Variants in PRKG1 observed in about 807,000 individuals in gnomAD.
PRKG1 encodes the protein protein kinase cGMP-dependent 1.
Under a neutral mutation model 88.1 loss-of-function variants are expected in PRKG1, and 35 were observed. The ratio of observed to expected loss-of-function variants is 0.40; its 90% confidence interval spans 0.30 to 0.53. The LOEUF (loss-of-function observed/expected upper bound fraction) is 0.53. Ranked by LOEUF, PRKG1 falls within the 20% of genes least tolerant of loss-of-function variation. PRKG1 has a pLI of 0.59. For missense variants in PRKG1, 540 were observed against 839.8 expected (o/e 0.64, Z 4.41); for synonymous variants, 303 against 292.5 (o/e 1.04, Z -0.37).
intron 2 of PRKG1, among the ~76,000 whole-genome samples, chr10:51,452,648 A>T (rs1027464145): frequency 1.3e-5 from 2 of 151,938 alleles, no homozygotes; most frequent in Non-Finnish European, 2.9e-5. Flanking sequence ...AACCCACTTG[A>T]TCATGGTGGA....
rs549495322 is a variant in PRKG1, at chr10:52,213,171, TA to T, written c.1077-38391del. ...CTGGCCTTAAAACTTAAAAGTATAA[TA>T]AAAAAAATAAAAATAAAAATAAAAC... On this transcript the variant is annotated intron_variant, in intron 9 of 17. Coordinates refer to ENST00000373980, the MANE Select transcript of PRKG1 (RefSeq NM_006258.4). 3.6e-4 allele frequency among the ~76,000 whole-genome samples: 54 copies of T among 150,072 alleles called. No homozygotes were observed. In the South Asian group the frequency reaches 5.0e-3, roughly 14 times the overall value.
chr10:51,698,183 C>T, intron 3 of PRKG1: 1 of 1,614,160 alleles, frequency 6.2e-7, no homozygotes, highest in Non-Finnish European at 8.5e-7. Flanking sequence ...CTCCAATCCT[C>T]TTGCATCCAT....
At chr10:51,010,053 A>AAGG (rs1436729066) in intron 1 of PRKG1, among the ~76,000 whole-genome samples, 3 of 152,224 alleles carry the variant, frequency 2.0e-5, no homozygotes, top group Admixed American at 1.3e-4. Context: ...TCAGCAGTGG[A>AAGG]AGGAGGGGTC....
intron 7 of PRKG1, among the ~76,000 whole-genome samples, chr10:52,126,250 G>A (rs1847928282): frequency 6.6e-6 from 1 of 151,906 alleles, no homozygotes; most frequent in African/African-American, 2.4e-5. Flanking sequence ...AGACTGCAAG[G>A]TCAGGCATAC....
At chr10:51,952,211 C>T (rs1253782621) in intron 5 of PRKG1, among the ~76,000 whole-genome samples, 1 of 152,196 alleles carries the variant, frequency 6.6e-6, no homozygotes, top group African/African-American at 2.4e-5. Context: ...GATGTTTGTC[C>T]AAATGTTGTT....
At chr10:52,107,485 G>C (rs1847454304) in intron 7 of PRKG1, among the ~76,000 whole-genome samples, 1 of 152,126 alleles carries the variant, frequency 6.6e-6, no homozygotes, top group Non-Finnish European at 1.5e-5. Context: ...AGCAGTGAGA[G>C]TCATTTGGGA....
At chr10:52,082,282 G>A (rs1459219935) in intron 7 of PRKG1, among the ~76,000 whole-genome samples, 5 of 152,098 alleles carry the variant, frequency 3.3e-5, no homozygotes, top group Non-Finnish European at 5.9e-5. Context: ...TTCAGGATGA[G>A]ATTTGGGTGG....
At chr10:51,862,306 C>T (rs1396917263) in intron 4 of PRKG1, among the ~76,000 whole-genome samples, 1 of 152,146 alleles carries the variant, frequency 6.6e-6, no homozygotes, top group Non-Finnish European at 1.5e-5. Flanking sequence ...TGCCCAGCAG[C>T]TTTTTCTCCC....
intron 3 of PRKG1, among the ~76,000 whole-genome samples, chr10:51,615,927 C>A (rs139009414): frequency 5.9e-5 from 9 of 152,222 alleles, no homozygotes; most frequent in African/African-American, 2.2e-4. Context: ...ATCTGCACAT[C>A]TGATGTAATA....
At chr10:51,699,340 C>T in intron 3 of PRKG1, 1 of 1,614,162 alleles carries the variant, frequency 6.2e-7, no homozygotes, top group Non-Finnish European at 8.5e-7. Context: ...TGGCACTAAG[C>T]GCGGTCTCCT....
chr10:51,279,800 A>G (rs545655750), intron 2 of PRKG1, among the ~76,000 whole-genome samples: 7 of 152,194 alleles, frequency 4.6e-5, no homozygotes, highest in Non-Finnish European at 1.0e-4. Context: ...TGAATACAGC[A>G]CACTGATGGG....
intron 2 of PRKG1, among the ~76,000 whole-genome samples, chr10:51,219,696 C>T (rs187019524): frequency 4.0e-5 from 6 of 150,630 alleles, no homozygotes; most frequent in Middle Eastern, 3.4e-3. Context: ...GGCCACAGTG[C>T]GAGACTCCAT....
At chr10:52,219,634 T>C (rs1296813888) in intron 9 of PRKG1, among the ~76,000 whole-genome samples, 1 of 152,204 alleles carries the variant, frequency 6.6e-6, no homozygotes, top group Non-Finnish European at 1.5e-5. Context: ...ATAACCCCCA[T>C]ACTGGCTAAC....
chr10:52,220,428 T>C (rs1478002153), intron 9 of PRKG1, among the ~76,000 whole-genome samples: 1 of 151,896 alleles, frequency 6.6e-6, no homozygotes, highest in Non-Finnish European at 1.5e-5. Context: ...TATATATATA[T>C]ATGTAAGTTC....
intron 5 of PRKG1, among the ~76,000 whole-genome samples, chr10:51,936,520 A>T (rs1842803620): frequency 6.6e-6 from 1 of 152,062 alleles, no homozygotes; most frequent in Non-Finnish European, 1.5e-5. Flanking sequence ...AGAGGTAGTG[A>T]AATGATCTGT....
chr10:51,324,625 C>T (rs1215780793), intron 2 of PRKG1, among the ~76,000 whole-genome samples: 1 of 151,446 alleles, frequency 6.6e-6, no homozygotes, highest in African/African-American at 2.4e-5. Context: ...CCTGTAATCC[C>T]AGCTACTCGG....
chr10:51,450,446 C>G (rs140809866), intron 2 of PRKG1, among the ~76,000 whole-genome samples: 201 of 151,958 alleles, frequency 1.3e-3, no homozygotes, highest in African/African-American at 4.7e-3. Context: ...AGAGGCAAAC[C>G]GTACGGCCAG....
intron 2 of PRKG1, among the ~76,000 whole-genome samples, chr10:51,368,005 T>G (rs1414410789): frequency 1.3e-5 from 2 of 151,966 alleles, no homozygotes; most frequent in African/African-American, 4.8e-5. Context: ...TGATTTTATT[T>G]CCTTTTGTAG....
At position 52,272,197 on chromosome 10, in the gene PRKG1, C is replaced by T. The variant is rs16928725; in HGVS notation, c.1314-195C>T. Among the ~76,000 whole-genome samples, 11,590 of 151,986 alleles carry T rather than the reference C, an allele frequency of 0.076. 582 individuals carry two copies. Among genetic ancestry groups the T allele is most frequent in the South Asian group, 0.19 (916 of 4,816 alleles). ...TAATCCATTTCAAGGGAGAGATTAG[C>T]GCCTTAGTTTCTTCTATTAAAATCC... is the stretch of plus-strand genomic sequence containing the variant. On this transcript the variant is annotated intron_variant, in intron 11 of 17. Coordinates refer to ENST00000373980, the MANE Select transcript of PRKG1 (RefSeq NM_006258.4).
Sources: allele counts gnomAD v4.1 joint callset (sites outside exome capture counted in the v4.1 genomes callset), GRCh38; gene constraint gnomAD v4.1.1; transcripts MANE v1.5; gene names NCBI Gene and HGNC (gene_info 2026-07-23, HGNC 2026-07-21).